ZNF865: variants seen among roughly 807,000 people sequenced by gnomAD.
ZNF865 encodes zinc finger protein 865.
For synonymous variants in ZNF865, 763 were observed against 750.8 expected (o/e 1.02, Z -0.27); for missense variants, 1,311 against 1,593.4 (o/e 0.82, Z 3.02).
rs1454862248 is a variant in ZNF865 at position 55,613,999 on chromosome 19, G to A, written c.381G>A (p.Pro127=). The part of the protein sequence containing the change: ...SQAKKPDPPL[P]PAFGAPPPPL... ...CCAAGAAGCCCGATCCGCCCCTGCCGCCCGCCTTCGGGGCGCCCCCTCCTC... is the reference window on the plus strand; with the variant it reads ...CCAAGAAGCCCGATCCGCCCCTGCCACCCGCCTTCGGGGCGCCCCCTCCTC... The change falls in exon 2 of 2, where the codon CCG becomes CCA. Residue 127 remains proline (P), a synonymous_variant. Transcript: ENST00000568956. 1.3e-6 allele frequency: 2 copies of A among 1,515,754 alleles called. No individual in the cohort carries two copies. The highest frequency in any genetic ancestry group is 1.2e-5 in the South Asian group (1 of 81,012). 93.9% of individuals were successfully genotyped at this position (1,515,754 alleles called of 1,614,324 possible).
At position 55,611,684 on chromosome 19, in the gene ZNF865, A is replaced by C. The variant is rs1981140797; in HGVS notation, c.-26-1909A>C. Among the ~76,000 whole-genome samples, 1 of 152,098 alleles carries C rather than the reference A, an allele frequency of 6.6e-6. No individual in the cohort carries two copies. The highest frequency in any genetic ancestry group is 6.5e-5 in the Admixed American group (1 of 15,268). On this transcript the variant is annotated intron_variant, in intron 1 of 1. Transcript: ENST00000568956. This position sits in a 1 kb window ranked among gnomAD's most constrained non-coding sequence, Gnocchi z 4.5. ...AGAGCAGCCCGATGGATAGAGGATAAAGGGTCCAGGCCTTGGTAGGAACCC... is the reference window on the plus strand; with the variant it reads ...AGAGCAGCCCGATGGATAGAGGATACAGGGTCCAGGCCTTGGTAGGAACCC...
In ZNF865 at chr19:55,615,627, C is replaced by T. The variant is rs1246657038; in HGVS notation, c.2009C>T (p.Ala670Val). The T allele has an allele frequency of 1.0e-5, 16 of 1,534,500 alleles. No individual in the cohort carries two copies. Among genetic ancestry groups the T allele is most frequent in the Admixed American group, 2.0e-5 (1 of 50,940 alleles). ...GGGCCCACCGATGGGCTGAGCTACG[C>T]CTGCTCGGACTGCGGCGAGCACTTC... ...SAGPTDGLSYACSDCGEHFPD... is the reference protein window; with the variant it reads ...SAGPTDGLSYVCSDCGEHFPD... The change falls in exon 2 of 2, where the codon GCC becomes GTC. Residue 670 changes from alanine (A) to valine (V), a missense_variant. Transcript: ENST00000568956.
chr19:55,611,609 C>T lies in ZNF865; in HGVS notation c.-26-1984C>T, dbSNP rs1048484742. Among the ~76,000 whole-genome samples the T allele has an allele frequency of 2.6e-5, 4 of 152,124 alleles. No homozygotes were observed. Among genetic ancestry groups the T allele is most frequent in the Non-Finnish European group, 5.9e-5 (4 of 68,014 alleles). ...CTAAAAATATCTCACTCCAGGATGG[C>T]GTTTGGGGTGGGGGTGGAAGAGACA... is the stretch of plus-strand genomic sequence containing the variant. On this transcript the variant is annotated intron_variant, in intron 1 of 1. Coordinates refer to ENST00000568956, the MANE Select transcript of ZNF865 (RefSeq NM_001195605.2). The surrounding 1 kb of genome is among the most constrained non-coding windows in gnomAD (Gnocchi z 4.5).
intron 1 of ZNF865, among the ~76,000 whole-genome samples, chr19:55,610,585 T>C (rs1156754548): frequency 6.6e-6 from 1 of 152,188 alleles, no homozygotes; most frequent in East Asian, 1.9e-4. Flanking sequence ...TATGATTTCT[T>C]TGTGGACCCA....
chr19:55,608,459 C>T (rs1981020821), intron 1 of ZNF865, among the ~76,000 whole-genome samples: 1 of 152,030 alleles, frequency 6.6e-6, no homozygotes, highest in Admixed American at 6.6e-5. Context: ...GGATTACAGG[C>T]ATGTGCCACC....
At position 55,613,873 on chromosome 19, in the gene ZNF865, C is replaced by T; in HGVS notation, c.255C>T (p.Phe85=). The T allele has an allele frequency of 1.4e-6, 2 of 1,474,742 alleles. No homozygotes were observed. The highest frequency in any genetic ancestry group is 1.8e-6 in the Non-Finnish European group (2 of 1,099,848). The allele number at this position is 1,474,742 out of a possible 1,614,324, so 91.4% of individuals were successfully genotyped here. Residue 85 remains phenylalanine, a synonymous_variant, in exon 2 of 2, where the codon TTC becomes TTT. Coordinates refer to ENST00000568956, the MANE Select transcript of ZNF865 (RefSeq NM_001195605.2). ...PQYDYPPQST[F]KPKAEVPSSS... ...ATGACTACCCGCCCCAGTCCACCTTCAAGCCCAAGGCGGAGGTGCCCTCCT... is the reference window on the plus strand; with the variant it reads ...ATGACTACCCGCCCCAGTCCACCTTTAAGCCCAAGGCGGAGGTGCCCTCCT...
chr19:55,613,637 GGCAGCGGCGCCGGGGGTGGCGGGA>G lies in ZNF865; in HGVS notation c.28_51del (p.Ala10_Gly17del). On this transcript the variant is annotated inframe_deletion, in exon 2 of 2. Coordinates refer to ENST00000568956, the MANE Select transcript of ZNF865 (RefSeq NM_001195605.2). The stretch of plus-strand genomic sequence containing the variant: ...GCCGGAGATGGAGGCGAACCCAGCG[GGCAGCGGCGCCGGGGGTGGCGGGA>G]GCAGCGGCATCGGGGGCGAGGACGG... The G allele has an allele frequency of 6.6e-7, 1 of 1,523,044 alleles. No homozygotes were observed. The highest frequency in any genetic ancestry group is 2.5e-5 in the East Asian group (1 of 40,806). The allele number at this position is 1,523,044 out of a possible 1,614,324, so 94.3% of individuals were successfully genotyped here. A position where few individuals can be genotyped will look rare whatever the true frequency, so the allele number is the denominator to read the frequency against.
At position 55,613,805 on chromosome 19, in the gene ZNF865, G is replaced by A. The variant is rs912856961; in HGVS notation, c.187G>A (p.Gly63Ser). 3 of 958,178 alleles carry A rather than the reference G, an allele frequency of 3.1e-6. No individual in the cohort carries two copies. Among genetic ancestry groups the A allele is most frequent in the Middle Eastern group, 3.4e-4 (1 of 2,960 alleles). 59.4% of individuals were successfully genotyped at this position (958,178 alleles called of 1,614,324 possible). Residue 63 changes from glycine (G) to serine (S), a missense_variant, in exon 2 of 2, where the codon GGC (glycine) becomes AGC (serine). Coordinates refer to ENST00000568956, the MANE Select transcript of ZNF865 (RefSeq NM_001195605.2). ...GGTGGCGGCCCTGCCCTGCGCCCCCGGCCCCCCGCCGCAGCCCCCGCCGCA... is the reference window on the plus strand; with the variant it reads ...GGTGGCGGCCCTGCCCTGCGCCCCCAGCCCCCCGCCGCAGCCCCCGCCGCA... ...KAVAALPCAPGPPPQPPPQPP... is the reference protein window; with the variant it reads ...KAVAALPCAPSPPPQPPPQPP...
intron 1 of ZNF865, among the ~76,000 whole-genome samples, chr19:55,607,607 C>T (rs909484515): frequency 2.0e-5 from 3 of 152,094 alleles, no homozygotes; most frequent in African/African-American, 4.8e-5. Flanking sequence ...CAGAATATCA[C>T]GGGATAAAGA....
rs538099832 is a variant in ZNF865 at position 55,617,032 on chromosome 19, T to G, written c.*234T>G. ...CTGAACCCTATCCTCCGTCCAACCCTCGTTTGTGACCCGCATCAGCCCCCG... is the reference window on the plus strand; with the variant it reads ...CTGAACCCTATCCTCCGTCCAACCCGCGTTTGTGACCCGCATCAGCCCCCG... On this transcript the variant is annotated 3_prime_UTR_variant, in exon 2 of 2. Coordinates refer to ENST00000568956, the MANE Select transcript of ZNF865 (RefSeq NM_001195605.2). 4.6e-6 allele frequency: 2 copies of G among 435,244 alleles called. No homozygotes were observed. Among genetic ancestry groups the G allele is most frequent in the East Asian group, 7.2e-5 (2 of 27,782 alleles). The allele number at this position is 435,244 out of a possible 1,614,324, so 27.0% of individuals were successfully genotyped here. A position where few individuals can be genotyped will look rare whatever the true frequency, so the allele number is the denominator to read the frequency against.
In ZNF865 at chr19:55,616,074, C is replaced by G; in HGVS notation, c.2456C>G (p.Thr819Ser). 1 of 1,506,802 alleles carries G rather than the reference C, an allele frequency of 6.6e-7. No homozygotes were observed. Among genetic ancestry groups the G allele is most frequent in the Non-Finnish European group, 8.8e-7 (1 of 1,132,500 alleles). The allele number at this position is 1,506,802 out of a possible 1,614,324, so 93.3% of individuals were successfully genotyped here. The change falls in exon 2 of 2, where the codon ACC becomes AGC. Residue 819 changes from threonine (T) to serine (S), a missense_variant. Transcript: ENST00000568956. ...THKYVHLVRR[T>S]LGCGLCGQSF... Reference sequence around the variant, plus strand: ...AAGTACGTGCACCTGGTGCGACGGACCCTGGGCTGCGGCCTCTGCGGCCAG... The same window carrying G: ...AAGTACGTGCACCTGGTGCGACGGAGCCTGGGCTGCGGCCTCTGCGGCCAG...
At position 55,617,191 on chromosome 19, in the gene ZNF865, T is replaced by A; in HGVS notation, c.*393T>A. 1 of 56,838 alleles carries A rather than the reference T, an allele frequency of 1.8e-5. No individual in the cohort carries two copies. The highest frequency in any genetic ancestry group is 4.6e-4 in the East Asian group (1 of 2,152). 3.5% of individuals were successfully genotyped at this position (56,838 alleles called of 1,614,324 possible). ...GGCACAAGGGAGTGCTGGGTGCTTTTTGGGGTGGGGGGGTGGGGGGCGGGG... is the reference window on the plus strand; with the variant it reads ...GGCACAAGGGAGTGCTGGGTGCTTTATGGGGTGGGGGGGTGGGGGGCGGGG... On this transcript the variant is annotated 3_prime_UTR_variant, in exon 2 of 2. Transcript: ENST00000568956.
intron 1 of ZNF865, among the ~76,000 whole-genome samples, chr19:55,608,549 G>C (rs1793798521): frequency 6.6e-6 from 1 of 152,040 alleles, no homozygotes; most frequent in Admixed American, 6.6e-5. Flanking sequence ...CCCGACCTCA[G>C]GTGATCCGCC....
rs1462414810 is a variant in ZNF865, at chr19:55,614,479, C to T, written c.861C>T (p.Pro287=). 34 of 1,372,470 alleles carry T rather than the reference C, an allele frequency of 2.5e-5. No homozygotes were observed. Among genetic ancestry groups the T allele is most frequent in the African/African-American group, 7.7e-5 (5 of 65,180 alleles). 85.0% of individuals were successfully genotyped at this position (1,372,470 alleles called of 1,614,324 possible). The change falls in exon 2 of 2, where the codon CCC becomes CCT. Residue 287 remains proline (P), a synonymous_variant. Transcript: ENST00000568956. The surrounding 1 kb of genome is among the most constrained non-coding windows in gnomAD (Gnocchi z 8.0). ...VPPAAGGPPQ[P]GPHLPPLGLP... is the part of the protein sequence containing the mutation. ...CGGCCGCGGGGGGCCCGCCCCAGCC[C>T]GGCCCCCACCTCCCGCCGCTGGGCC...
chr19:55,616,771 G>A lies in ZNF865; in HGVS notation c.3153G>A (p.Ala1051=). Residue 1051 remains alanine (A), a synonymous_variant, in exon 2 of 2, where the codon GCG becomes GCA. Transcript: ENST00000568956. ...ACCTCGGGGGGCCTGGAGCAGGGGC[G>A]GGCACCTTGGCCGGGAAGGATGCCT... ...AENLGGPGAG[A]GTLAGKDA 2 of 1,450,450 alleles carry A rather than the reference G, an allele frequency of 1.4e-6. No homozygotes were observed. The highest frequency in any genetic ancestry group is 1.4e-5 in the South Asian group (1 of 70,140). The allele number at this position is 1,450,450 out of a possible 1,614,324, so 89.8% of individuals were successfully genotyped here.
chr19:55,605,870 C>A (rs927845016), intron 1 of ZNF865, 138 bp downstream of exon 1: 1 of 152,348 alleles, frequency 6.6e-6, no homozygotes, highest in African/African-American at 2.4e-5. Flanking sequence ...TGCCAAGGGA[C>A]CCCCAATCAC....
At position 55,616,285 on chromosome 19, in the gene ZNF865, G is replaced by A; in HGVS notation, c.2667G>A (p.Trp889Ter). Residue 889 changes from tryptophan (W) to a stop codon, truncating the protein, a stop_gained, in exon 2 of 2, where the codon TGG becomes TGA. Coordinates refer to ENST00000568956, the MANE Select transcript of ZNF865 (RefSeq NM_001195605.2). LOFTEE classifies it low-confidence loss of function (END_TRUNC). ...GCGGCCGAGGCTTCCTGCGCTCCTG[G>A]TACCTGCGGCAGCACCGCGTGGTGC... ...GVCGRGFLRS[W>*]YLRQHRVVHT... 6.6e-7 allele frequency: 1 copy of A among 1,519,158 alleles called. No individual in the cohort carries two copies. Among genetic ancestry groups the A allele is most frequent in the Non-Finnish European group, 8.8e-7 (1 of 1,137,792 alleles). The allele number at this position is 1,519,158 out of a possible 1,614,324, so 94.1% of individuals were successfully genotyped here.
At position 55,616,807 on chromosome 19, in the gene ZNF865, T is replaced by C; in HGVS notation, c.*9T>C. On this transcript the variant is annotated 3_prime_UTR_variant, in exon 2 of 2. Transcript: ENST00000568956. Reference sequence around the variant, plus strand: ...CCGGGAAGGATGCCTGACCGAGGGGTTCCCATCCCACTCCCATCAAAAGCC... The same window carrying C: ...CCGGGAAGGATGCCTGACCGAGGGGCTCCCATCCCACTCCCATCAAAAGCC... 3 of 1,438,268 alleles carry C rather than the reference T, an allele frequency of 2.1e-6. No homozygotes were observed. In the South Asian group the frequency reaches 4.4e-5, roughly 21 times the overall value. 89.1% of individuals were successfully genotyped at this position (1,438,268 alleles called of 1,614,324 possible). A position where few individuals can be genotyped will look rare whatever the true frequency, so the allele number is the denominator to read the frequency against.
chr19:55,611,669 G>A lies in ZNF865; in HGVS notation c.-26-1924G>A, dbSNP rs578121336. 6.6e-6 allele frequency among the ~76,000 whole-genome samples: 1 copy of A among 152,262 alleles called. No individual in the cohort carries two copies. The highest frequency in any genetic ancestry group is 2.4e-5 in the African/African-American group (1 of 41,540). On this transcript the variant is annotated intron_variant, in intron 1 of 1. Coordinates refer to ENST00000568956, the MANE Select transcript of ZNF865 (RefSeq NM_001195605.2). The surrounding 1 kb of genome is among the most constrained non-coding windows in gnomAD (Gnocchi z 4.5). ...CACCTGTGGGAGGAGAGAGCAGCCC[G>A]ATGGATAGAGGATAAAGGGTCCAGG...
Sources: allele counts gnomAD v4.1 joint callset (sites outside exome capture counted in the v4.1 genomes callset), GRCh38; gene constraint gnomAD v4.1.1; non-coding constraint Gnocchi (gnomAD v3.1); transcripts MANE v1.5; gene names NCBI Gene and HGNC (gene_info 2026-07-23, HGNC 2026-07-21).